ABCA9: variants seen among roughly 807,000 people sequenced by gnomAD.
ABCA9 encodes ATP binding cassette subfamily A member 9.
A neutral mutation model predicts 205.3 loss-of-function variants in ABCA9; 183 were observed. That is an observed-to-expected ratio of 0.89 (90% CI 0.79 to 1.01). The LOEUF is 1.01. ABCA9 is among the 50% of genes least tolerant of loss of function. The probability of loss-of-function intolerance (pLI) is 0.00; values close to 1 mark genes in which losing one functional copy is unlikely to be tolerated. For synonymous variants in ABCA9, 651 were observed against 683.3 expected (o/e 0.95, Z 0.74); for missense variants, 1,805 against 1,912.4 (o/e 0.94, Z 1.05).
At chr17:69,066,905 A>G in the ABCA9 span, among the ~76,000 whole-genome samples, 1 of 152,226 alleles carries the variant, frequency 6.6e-6, no homozygotes, top group African/African-American at 2.4e-5. Context: ...TGTAAGGTTT[A>G]TCTCTGAACT....
chr17:69,033,650 TTAGTACA>T, intron 9 of ABCA9, 69 bp downstream of exon 9: 1 of 1,231,748 alleles, frequency 8.1e-7, no homozygotes, highest in Non-Finnish European at 1.1e-6. Flanking sequence ...TAATTTTTAT[TTAGTACA>T]TTGTAGAGTT....
rs997933908 is a variant in ABCA9, at chr17:69,005,840, T to G, written c.3435+1919A>C. Among the ~76,000 whole-genome samples the G allele has an allele frequency of 7.9e-5, 12 of 152,366 alleles. No individual in the cohort carries two copies. In the South Asian group the frequency reaches 2.5e-3, roughly 32 times the overall value. ...GAGAGGATTGTGTGATGTATTTTGC[T>G]GTTGTGTATTATTTGCTAAACAAAT... On this transcript the variant is annotated intron_variant, in intron 25 of 38. Transcript: ENST00000340001.
rs747927319 is a variant in ABCA9 at position 69,032,296 on chromosome 17, T to G, written c.1277-20A>C. On this transcript the variant is annotated intron_variant, in intron 9 of 38. Transcript: ENST00000340001. ...ATTCAGCTATGTGAGCAGGAGGCAA[T>G]TGAATACTGGGTCAGTCATCGCTTC... The G allele has an allele frequency of 4.4e-6, 7 of 1,608,434 alleles. No individual in the cohort carries two copies. The highest frequency in any genetic ancestry group is 5.9e-6 in the Non-Finnish European group (7 of 1,177,102).
At chr17:69,016,739 TTATAAG>T (rs1339250355) in intron 21 of ABCA9, among the ~76,000 whole-genome samples, 1 of 152,096 alleles carries the variant, frequency 6.6e-6, no homozygotes, top group Non-Finnish European at 1.5e-5. Context: ...CACATTCATT[TTATAAG>T]TATATAATGT....
chr17:68,987,612 A>G (rs4968983), intron 31 of ABCA9, among the ~76,000 whole-genome samples: 102,668 of 152,016 alleles, frequency 0.68, 35,112 homozygotes, highest in Middle Eastern at 0.73. Context: ...AAGGTGCCTC[A>G]AGGCCAATGT....
chr17:69,006,185 A>C (rs1263403061), intron 25 of ABCA9, among the ~76,000 whole-genome samples: 1 of 152,094 alleles, frequency 6.6e-6, no homozygotes, highest in Non-Finnish European at 1.5e-5. Flanking sequence ...GAATTCTCAT[A>C]CTCTGTGGGT....
At chr17:69,039,429 A>G (rs539951935) in intron 6 of ABCA9, among the ~76,000 whole-genome samples, 18 of 152,292 alleles carry the variant, frequency 1.2e-4, no homozygotes, top group Non-Finnish European at 2.2e-4. Flanking sequence ...GATCTTTGAC[A>G]AACGTGACAA....
chr17:69,021,723 CTTTCT>C lies in ABCA9; in HGVS notation c.2401+14_2401+18del, dbSNP rs746413927. 73 of 1,464,360 alleles carry C rather than the reference CTTTCT, an allele frequency of 5.0e-5. No individual in the cohort carries two copies. Among genetic ancestry groups the C allele is most frequent in the Non-Finnish European group, 5.9e-5 (63 of 1,071,550 alleles). 90.7% of individuals were successfully genotyped at this position (1,464,360 alleles called of 1,614,324 possible). A position where few individuals can be genotyped will look rare whatever the true frequency, so the allele number is the denominator to read the frequency against. On this transcript the variant is annotated intron_variant, in intron 18 of 38. Transcript: ENST00000340001. ...TTTCTTTCTTTCTCCCTTTCTTTCT[CTTTCT>C]TATTTTTTCTTACCTGATTCATCAA...
chr17:69,045,110 A>T, intron 4 of ABCA9, 62 bp downstream of exon 4: 1 of 1,411,020 alleles, frequency 7.1e-7, no homozygotes, highest in Admixed American at 1.8e-5. Flanking sequence ...GCTATCAGGT[A>T]TGCCCCCTTT....
intron 1 of ABCA9, among the ~76,000 whole-genome samples, chr17:69,056,606 A>C (rs1013632660): frequency 6.6e-6 from 1 of 152,214 alleles, no homozygotes; most frequent in African/African-American, 2.4e-5. Context: ...GGAAGAAATT[A>C]TTTCAACACT....
intron 25 of ABCA9, among the ~76,000 whole-genome samples, chr17:68,998,252 T>A (rs2069703211): frequency 6.6e-6 from 1 of 152,216 alleles, no homozygotes; most frequent in African/African-American, 2.4e-5. Context: ...ATTGTGCAGG[T>A]TTTTGTGTGG....
Position 68,983,578 on chromosome 17 carries a change from T to G in ABCA9, c.4640+131A>C, listed in dbSNP as rs2069131394. 4 of 1,293,176 alleles carry G rather than the reference T, an allele frequency of 3.1e-6. No homozygotes were observed. The South Asian group carries it at 4.6e-5, about 15-fold the overall frequency. 80.1% of individuals were successfully genotyped at this position (1,293,176 alleles called of 1,614,324 possible). ...TTGTGTGAGCCCTTGGAATTGAATT[T>G]CTCTTAAGTAAAGTACTTGCAATTA... On this transcript the variant is annotated intron_variant, in intron 36 of 38. Transcript: ENST00000340001.
intron 23 of ABCA9, 122 bp downstream of exon 23, chr17:69,011,854 G>T: frequency 1.9e-6 from 1 of 535,040 alleles, no homozygotes. Flanking sequence ...TAAAGTGCTT[G>T]ATTATTCATT....
At chr17:69,043,376 G>A in intron 6 of ABCA9, 113 bp downstream of exon 6, 1 of 761,902 alleles carries the variant, frequency 1.3e-6, no homozygotes, top group South Asian at 1.9e-5. Context: ...AACTGGCCAT[G>A]GACCAGTAGC....
intron 25 of ABCA9, 101 bp downstream of exon 25, chr17:69,007,658 A>G (rs2070195556): frequency 1.4e-6 from 1 of 722,196 alleles, no homozygotes; most frequent in East Asian, 2.6e-5. Flanking sequence ...AAAATTTTCT[A>G]GAGAGCAATA....
At chr17:69,042,403 T>C (rs2144444858) in intron 6 of ABCA9, 1 of 152,326 alleles carries the variant, frequency 6.6e-6, no homozygotes, top group South Asian at 2.1e-4. Context: ...AATGCTGAGA[T>C]GGAGACAACC....
At position 69,012,916 on chromosome 17, in the gene ABCA9, A is replaced by G. The variant is rs112501098; in HGVS notation, c.3040-833T>C. On this transcript the variant is annotated intron_variant, in intron 22 of 38. Coordinates refer to ENST00000340001, the MANE Select transcript of ABCA9 (RefSeq NM_080283.4). ...TGGTAACCATCATTTGACTACGTCC[A>G]TGAGTTCAACTGTTTTAATTTTCAG... 4.1e-3 allele frequency among the ~76,000 whole-genome samples: 626 copies of G among 152,150 alleles called. 4 individuals are homozygous for G. The highest frequency in any genetic ancestry group is 0.014 in the African/African-American group (585 of 41,524).
intron 23 of ABCA9, 34 bp from the exon 24 acceptor site, chr17:69,008,269 C>T (rs1241170579): frequency 1.3e-6 from 2 of 1,581,006 alleles, no homozygotes; most frequent in Non-Finnish European, 1.7e-6. Flanking sequence ...TCAAAAGGTT[C>T]TGAAGAGCTG....
In ABCA9 at chr17:69,035,250, GCCAT is replaced by G; in HGVS notation, c.1120_1123del (p.Met374ProfsTer10). 1.3e-6 allele frequency: 2 copies of G among 1,567,926 alleles called. No homozygotes were observed. The highest frequency in any genetic ancestry group is 1.7e-6 in the Non-Finnish European group (2 of 1,159,892). On this transcript the variant is annotated frameshift_variant, in exon 8 of 39. Coordinates refer to ENST00000340001, the MANE Select transcript of ABCA9 (RefSeq NM_080283.4). LOFTEE classifies it high-confidence loss of function. ...AAGTGTTACCTTAACTCTTACCTGG[GCCAT>G]CCCAACAGTGAAGGCAAAGGGGCTA...
Sources: gnomAD v4.1 joint callset for allele counts (sites outside exome capture counted in the v4.1 genomes callset) on GRCh38, gnomAD v4.1.1 for gene constraint, MANE v1.5 for transcripts, NCBI Gene and HGNC (gene_info 2026-07-23, HGNC 2026-07-21) for gene names.